Variants in ZC3H3 observed in about 807,000 individuals in gnomAD.
ZC3H3 encodes the protein zinc finger CCCH-type containing 3.
Under a neutral mutation model 77.3 loss-of-function variants are expected in ZC3H3, and 36 were observed. That is an observed-to-expected ratio of 0.47 (90% confidence interval 0.36 to 0.61). ZC3H3 has a LOEUF of 0.61. ZC3H3 is among the 20% of genes least tolerant of loss of function. The pLI, the probability that ZC3H3 is intolerant of heterozygous loss-of-function variation, is 0.00. For missense variants in ZC3H3, 1,331 were observed against 1,312.2 expected (o/e 1.01, Z -0.22); for synonymous variants, 626 against 555.2 (o/e 1.13, Z -1.79).
chr8:143,492,678 C>T (rs1359286385), intron 4 of ZC3H3, among the ~76,000 whole-genome samples: 1 of 152,088 alleles, frequency 6.6e-6, no homozygotes, highest in African/African-American at 2.4e-5. Context: ...AGGAAGAAGG[C>T]GCCCTGGCCC....
intron 3 of ZC3H3, among the ~76,000 whole-genome samples, chr8:143,534,199 A>G (rs1822713698): frequency 6.9e-6 from 1 of 145,346 alleles, no homozygotes; most frequent in Non-Finnish European, 1.5e-5. Flanking sequence ...TGAGCCCAGG[A>G]GGTTGAGGCT....
At chr8:143,479,965 C>T (rs1045815835) in intron 4 of ZC3H3, among the ~76,000 whole-genome samples, 1 of 152,224 alleles carries the variant, frequency 6.6e-6, no homozygotes, top group African/African-American at 2.4e-5. Flanking sequence ...CCCGGGCTGG[C>T]GAGGGGCACC....
intron 4 of ZC3H3, among the ~76,000 whole-genome samples, chr8:143,479,617 G>A (rs531130080): frequency 6.6e-6 from 1 of 152,322 alleles, no homozygotes; most frequent in East Asian, 1.9e-4. Context: ...CTTTGTAATG[G>A]GAGGCATGAA....
intron 9 of ZC3H3, among the ~76,000 whole-genome samples, chr8:143,456,048 T>A (rs1820111056): frequency 6.9e-6 from 1 of 144,078 alleles, no homozygotes; most frequent in African/African-American, 2.6e-5. Context: ...AATAGAAACA[T>A]GTTCCAAATG....
In ZC3H3 at chr8:143,538,522, G is replaced by A; in HGVS notation, c.845C>T (p.Pro282Leu). Reference sequence around the variant, plus strand: ...CCTGGGTCCTGAGGCCGGTCTGGCGGGGCCCCCCACTGAGCCAGACGGAAC... The same window carrying A: ...CCTGGGTCCTGAGGCCGGTCTGGCGAGGCCCCCCACTGAGCCAGACGGAAC... The part of the protein sequence containing the change: ...QPVPSGSVGG[P>L]ARPASGPRQA... The change falls in exon 2 of 12, where the codon CCC becomes CTC. Residue 282 changes from proline (P) to leucine (L), a missense_variant. Pro to Leu is a moderately conservative substitution (Grantham distance 98). This residue lies in a region of ZC3H3 where 978 missense variants were observed against 915.5 expected (regional missense o/e 1.07). Coordinates refer to ENST00000262577, the MANE Select transcript of ZC3H3 (RefSeq NM_015117.3). The A allele has an allele frequency of 6.2e-7, 1 of 1,612,364 alleles. No homozygotes were observed.
Position 143,437,972 on chromosome 8 carries a change from C to T in ZC3H3, c.*84G>A, listed in dbSNP as rs974242053. ...GTGAGGCTTGGTGGCGGGCGGCCCT[C>T]CTGTGGGGTAGAGTGGTGGACAGAG... On this transcript the variant is annotated 3_prime_UTR_variant, in exon 12 of 12. Coordinates refer to ENST00000262577, the MANE Select transcript of ZC3H3 (RefSeq NM_015117.3). 2 of 1,554,696 alleles carry T rather than the reference C, an allele frequency of 1.3e-6. No homozygotes were observed. The highest frequency in any genetic ancestry group is 1.4e-5 in the African/African-American group (1 of 73,622).
In ZC3H3 at chr8:143,538,546, A is replaced by T; in HGVS notation, c.821T>A (p.Val274Asp). ...RVDAGHTDQP[V>D]PSGSVGGPAR... Reference sequence around the variant, plus strand: ...GGGGCCCCCCACTGAGCCAGACGGAACTGGCTGATCTGTGTGGCCAGCATC... The same window carrying T: ...GGGGCCCCCCACTGAGCCAGACGGATCTGGCTGATCTGTGTGGCCAGCATC... Residue 274 changes from valine (V) to aspartate (D), a missense_variant, in exon 2 of 12, where the codon GTT becomes GAT. Transcript: ENST00000262577. 6.2e-7 allele frequency: 1 copy of T among 1,611,864 alleles called. No homozygotes were observed. The highest frequency in any genetic ancestry group is 8.5e-7 in the Non-Finnish European group (1 of 1,179,998).
At chr8:143,507,974 G>A (rs1821758811) in intron 3 of ZC3H3, 75 bp from the exon 4 acceptor site, 1 of 1,435,012 alleles carries the variant, frequency 7.0e-7, no homozygotes, top group East Asian at 2.6e-5. Context: ...GCCACCCACA[G>A]TGCCAGCTCT....
intron 9 of ZC3H3, among the ~76,000 whole-genome samples, chr8:143,442,222 T>G (rs1339444044): frequency 6.6e-6 from 1 of 152,024 alleles, no homozygotes; most frequent in East Asian, 1.9e-4. Flanking sequence ...TACCCCCAGG[T>G]GGAAGCCAGG....
At chr8:143,489,751 C>A (rs558828601) in intron 4 of ZC3H3, among the ~76,000 whole-genome samples, 6 of 152,308 alleles carry the variant, frequency 3.9e-5, no homozygotes, top group African/African-American at 1.4e-4. Context: ...GCCATTTTTC[C>A]GGTGGAGGCT....
chr8:143,471,089 G>T (rs1820549467), intron 5 of ZC3H3, among the ~76,000 whole-genome samples: 1 of 152,214 alleles, frequency 6.6e-6, no homozygotes, highest in African/African-American at 2.4e-5. Flanking sequence ...GCTCCGGCCA[G>T]CACCCACTGG....
intron 4 of ZC3H3, among the ~76,000 whole-genome samples, chr8:143,499,306 T>A (rs915127610): frequency 6.6e-6 from 1 of 152,030 alleles, no homozygotes; most frequent in African/African-American, 2.4e-5. Flanking sequence ...ATGCAGGGCA[T>A]CAACACCCAG....
chr8:143,447,315 C>T (rs1329879678), intron 9 of ZC3H3, among the ~76,000 whole-genome samples: 3 of 152,260 alleles, frequency 2.0e-5, no homozygotes, highest in Non-Finnish European at 2.9e-5. Flanking sequence ...AAGCTGCCCC[C>T]TCTACCACCA....
intron 4 of ZC3H3, among the ~76,000 whole-genome samples, chr8:143,495,990 A>G (rs1821340062): frequency 6.6e-6 from 1 of 152,066 alleles, no homozygotes; most frequent in African/African-American, 2.4e-5. Context: ...ACACATGTGG[A>G]CCTCTAGTTA....
intron 9 of ZC3H3, among the ~76,000 whole-genome samples, chr8:143,457,635 G>T (rs1287822383): frequency 6.6e-6 from 1 of 152,162 alleles, no homozygotes; most frequent in Non-Finnish European, 1.5e-5. Flanking sequence ...GGGAGGCTGA[G>T]GTGGGAAGCC....
intron 4 of ZC3H3, among the ~76,000 whole-genome samples, chr8:143,486,569 G>C (rs1175555944): frequency 6.6e-6 from 1 of 152,186 alleles, no homozygotes; most frequent in Non-Finnish European, 1.5e-5. Context: ...TTGGGGGTTA[G>C]GGTTTCCATC....
Position 143,493,598 on chromosome 8 carries a change from GAAAT to G in ZC3H3, c.1715+14144_1715+14147del, listed in dbSNP as rs1206926308. On this transcript the variant is annotated intron_variant, in intron 4 of 11. Coordinates refer to ENST00000262577, the MANE Select transcript of ZC3H3 (RefSeq NM_015117.3). The surrounding 1 kb of genome is among the most constrained non-coding windows in gnomAD (Gnocchi z 4.8). ...GGCCTGCCTGCCTCAAACAAACAGAGAAATAAATAAATAACCACAGCACACTTTG... is the reference window on the plus strand; with the variant it reads ...GGCCTGCCTGCCTCAAACAAACAGAGAAATAAATAACCACAGCACACTTTG... Among the ~76,000 whole-genome samples the G allele has an allele frequency of 2.0e-5, 3 of 152,208 alleles. No homozygotes were observed. Among genetic ancestry groups the G allele is most frequent in the Non-Finnish European group, 2.9e-5 (2 of 68,034 alleles).
intron 9 of ZC3H3, among the ~76,000 whole-genome samples, chr8:143,446,652 T>C (rs1819868638): frequency 6.6e-6 from 1 of 152,214 alleles, no homozygotes; most frequent in South Asian, 2.1e-4. Context: ...TTAATCCTTC[T>C]AATGGTCAAA....
At chr8:143,466,473 A>T (rs1035145731) in intron 8 of ZC3H3, among the ~76,000 whole-genome samples, 2 of 152,226 alleles carry the variant, frequency 1.3e-5, no homozygotes, top group Admixed American at 1.3e-4. Flanking sequence ...CGCTGGCCAC[A>T]GTCAGTGCTT....
Sources: allele counts gnomAD v4.1 joint callset (sites outside exome capture counted in the v4.1 genomes callset), GRCh38; gene constraint gnomAD v4.1.1; regional missense constraint gnomAD v4.1.1; non-coding constraint Gnocchi (gnomAD v3.1); transcripts MANE v1.5; gene names NCBI Gene and HGNC (gene_info 2026-07-23, HGNC 2026-07-21).